UFL1: variants seen among roughly 807,000 people sequenced by gnomAD.
The protein encoded by UFL1 is UFM1 specific ligase 1.
UFL1 carries 78 observed loss-of-function variants against 99.3 expected under a neutral mutation model. The observed-to-expected ratio is 0.79, with a 90% confidence interval of 0.65 to 0.95. The LOEUF is 0.95. Ranked by LOEUF, UFL1 falls within the 40% of genes least tolerant of loss-of-function variation. The pLI, the probability that UFL1 is intolerant of heterozygous loss-of-function variation, is 0.00. For missense variants in UFL1, 936 were observed against 937.0 expected, an observed-to-expected ratio of 1.00 and a Z score of 0.01; for synonymous variants, 335 against 322.2, an observed-to-expected ratio of 1.04 and a Z score of -0.42.
At chr6:96,533,121 T>G (rs1049136246) in intron 6 of UFL1, among the ~76,000 whole-genome samples, 5 of 151,844 alleles carry the variant, frequency 3.3e-5, no homozygotes, top group Non-Finnish European at 7.4e-5. Flanking sequence ...TAACCTTAAC[T>G]AGAGAGAACA....
At position 96,536,384 on chromosome 6, in the gene UFL1, T is replaced by C; in HGVS notation, c.796T>C (p.Tyr266His). The C allele has an allele frequency of 6.3e-7, 1 of 1,599,092 alleles. No individual in the cohort carries two copies. Among genetic ancestry groups the C allele is most frequent in the Non-Finnish European group, 8.5e-7 (1 of 1,170,972 alleles). Residue 266 changes from tyrosine to histidine, a missense_variant, in exon 8 of 19, where the codon TAT (tyrosine) becomes CAT (histidine). Tyr to His is a moderately conservative substitution (Grantham distance 83, BLOSUM62 2). Coordinates refer to ENST00000369278, the MANE Select transcript of UFL1 (RefSeq NM_015323.5). The stretch of plus-strand genomic sequence containing the variant: ...GGATTCCTTTTTCAGGCAGAATGGC[T>C]ATCTAGGTAACTTTCTTATTTCTTT... ...WVDSFFRQNG[Y>H]LEFDALSRLG...
At chr6:96,533,054 A>G (rs1255215954) in intron 6 of UFL1, among the ~76,000 whole-genome samples, 1 of 152,158 alleles carries the variant, frequency 6.6e-6, no homozygotes, top group Non-Finnish European at 1.5e-5. Flanking sequence ...ACAATGGAGG[A>G]TTGAAATGTT....
At chr6:96,524,338 T>TAC (rs1457453511) in intron 2 of UFL1, 44 bp from the exon 3 acceptor site, 4 of 1,556,924 alleles carry the variant, frequency 2.6e-6, no homozygotes, top group Non-Finnish European at 3.5e-6. Flanking sequence ...GGTTGGTATG[T>TAC]ACGCATAGAT....
At chr6:96,543,691 C>G (rs1337313853) in intron 12 of UFL1, among the ~76,000 whole-genome samples, 1 of 150,810 alleles carries the variant, frequency 6.6e-6, no homozygotes, top group Non-Finnish European at 1.5e-5. Flanking sequence ...GGAGATATTC[C>G]AAGACATTGA....
At chr6:96,545,535 C>T (rs778544106) in intron 12 of UFL1, among the ~76,000 whole-genome samples, 1 of 150,642 alleles carries the variant, frequency 6.6e-6, no homozygotes, top group Non-Finnish European at 1.5e-5. Flanking sequence ...TTGTGATTCA[C>T]ATGATTATAA....
At chr6:96,548,406 C>G (rs993639730) in intron 13 of UFL1, 125 bp downstream of exon 13, 2 of 616,328 alleles carry the variant, frequency 3.2e-6, no homozygotes, top group African/African-American at 3.9e-5. Flanking sequence ...GGAATTTAAC[C>G]TAGCCACCAA....
chr6:96,523,328 T>A (rs2127948205), intron 2 of UFL1, 37 bp downstream of exon 2: 3 of 1,546,314 alleles, frequency 1.9e-6, no homozygotes, highest in Non-Finnish European at 2.6e-6. Flanking sequence ...TTTCTTGGAT[T>A]TTTGGAAGGG....
In UFL1 at chr6:96,521,836, T is replaced by G. The variant is rs1769613132; in HGVS notation, c.-38T>G. The G allele has an allele frequency of 6.3e-7, 1 of 1,595,562 alleles. No individual in the cohort carries two copies. Among genetic ancestry groups the G allele is most frequent in the African/African-American group, 1.3e-5 (1 of 74,580 alleles). On this transcript the variant is annotated 5_prime_UTR_variant, in exon 1 of 19. Transcript: ENST00000369278. The stretch of plus-strand genomic sequence containing the variant: ...CTCCCACCGCCTGTCGGCTGACGTG[T>G]CTGCAGTTCCTCCGCGTCTACTGCG...
chr6:96,521,882 C>T lies in UFL1; in HGVS notation c.9C>T (p.Asp3=), dbSNP rs944812791. 3.7e-6 allele frequency: 6 copies of T among 1,612,254 alleles called. No homozygotes were observed. The highest frequency in any genetic ancestry group is 8.5e-7 in the Non-Finnish European group (1 of 1,179,490). ...CTGCGAGTCAGGCCGTGATGGCGGACGCCTGGGAAGAGATTAGGCGGTTGG... is the reference window on the plus strand; with the variant it reads ...CTGCGAGTCAGGCCGTGATGGCGGATGCCTGGGAAGAGATTAGGCGGTTGG... The part of the protein sequence containing the change: MA[D]AWEEIRRLAA... The change falls in exon 1 of 19, where the codon GAC becomes GAT. Residue 3 remains aspartate, a synonymous_variant. Transcript: ENST00000369278.
chr6:96,553,189 G>A, intron 18 of UFL1, 96 bp from the exon 19 acceptor site: 1 of 1,163,962 alleles, frequency 8.6e-7, no homozygotes, highest in Non-Finnish European at 1.2e-6. Flanking sequence ...TTGTAAAGAT[G>A]AGGACCTTCA....
intron 5 of UFL1, among the ~76,000 whole-genome samples, chr6:96,527,754 T>C (rs1769723780): frequency 6.6e-6 from 1 of 152,202 alleles, no homozygotes; most frequent in Non-Finnish European, 1.5e-5. Context: ...GTTTTTAATA[T>C]GTTTCAGTTC....
chr6:96,534,174 C>A, intron 6 of UFL1, 89 bp from the exon 7 acceptor site: 1 of 856,622 alleles, frequency 1.2e-6, no homozygotes, highest in Non-Finnish European at 1.6e-6. Flanking sequence ...CAGTATTTTT[C>A]TTAAATTCTA....
chr6:96,532,097 A>G (rs1769791166), intron 6 of UFL1, among the ~76,000 whole-genome samples: 1 of 152,238 alleles, frequency 6.6e-6, no homozygotes. Flanking sequence ...AGAATGATGT[A>G]TGTAGGTATA....
chr6:96,540,524 T>G lies in UFL1; in HGVS notation c.1159-11T>G. Reference sequence around the variant, plus strand: ...TGTTTTTCCTACCAAAAAAAGCATGTTTTATTTTAGGAAATGAAAAATAAT... The same window carrying G: ...TGTTTTTCCTACCAAAAAAAGCATGGTTTATTTTAGGAAATGAAAAATAAT... On this transcript the variant is annotated splice_polypyrimidine_tract_variant and intron_variant, in intron 10 of 18. Coordinates refer to ENST00000369278, the MANE Select transcript of UFL1 (RefSeq NM_015323.5). 2 of 1,590,106 alleles carry G rather than the reference T, an allele frequency of 1.3e-6. No individual in the cohort carries two copies. The highest frequency in any genetic ancestry group is 2.3e-5 in the South Asian group (2 of 86,174).
rs1484081748 is a variant in UFL1 at position 96,526,387 on chromosome 6, A to C, written c.417A>C (p.Ile139=). 1 of 1,613,452 alleles carries C rather than the reference A, an allele frequency of 6.2e-7. No individual in the cohort carries two copies. Among genetic ancestry groups the C allele is most frequent in the African/African-American group, 1.3e-5 (1 of 74,900 alleles). ...DKLQESGQVT[I]SELCKTYDLP... The stretch of plus-strand genomic sequence containing the variant: ...TGCAAGAAAGTGGTCAGGTCACCAT[A>C]TCAGAACTGTGTAAAACTTATGATC... Residue 139 remains isoleucine, a synonymous_variant, in exon 5 of 19, where the codon ATA becomes ATC. Transcript: ENST00000369278.
In UFL1 at chr6:96,522,209, G is replaced by T. The variant is rs149561858; in HGVS notation, c.77+259G>T. 1.5e-3 allele frequency among the ~76,000 whole-genome samples: 222 copies of T among 152,216 alleles called. 4 individuals are homozygous for T. In the South Asian group the frequency reaches 0.037, roughly 25 times the overall value. ...TGGCGCGCCCCGCCCCACCATGGACGGGGCCGGTGATTTCGAGCTGCCTTT... is the reference window on the plus strand; with the variant it reads ...TGGCGCGCCCCGCCCCACCATGGACTGGGCCGGTGATTTCGAGCTGCCTTT... On this transcript the variant is annotated intron_variant, in intron 1 of 18. Coordinates refer to ENST00000369278, the MANE Select transcript of UFL1 (RefSeq NM_015323.5).
At chr6:96,535,167 G>A (rs1285787626) in intron 7 of UFL1, among the ~76,000 whole-genome samples, 1 of 151,934 alleles carries the variant, frequency 6.6e-6, no homozygotes, top group Non-Finnish European at 1.5e-5. Context: ...GTAGTCTGTT[G>A]AGAAATCCGG....
chr6:96,534,412 A>G, intron 7 of UFL1, 91 bp downstream of exon 7: 1 of 999,932 alleles, frequency 1.0e-6, no homozygotes, highest in Non-Finnish European at 1.4e-6. Flanking sequence ...TTCCTCTTTT[A>G]TTGTTAATGT....
At chr6:96,540,939 TTTTTG>T (rs1027891163) in intron 11 of UFL1, among the ~76,000 whole-genome samples, 4 of 151,366 alleles carry the variant, frequency 2.6e-5, no homozygotes, top group African/African-American at 9.7e-5. Flanking sequence ...CAGTAGCCCT[TTTTTG>T]TTTTGTTTTG....
Sources: allele counts gnomAD v4.1 joint callset (sites outside exome capture counted in the v4.1 genomes callset), GRCh38; gene constraint gnomAD v4.1.1; transcripts MANE v1.5; gene names NCBI Gene and HGNC (gene_info 2026-07-23, HGNC 2026-07-21).